The following FAT3 variants were observed in gnomAD, a reference collection of about 807,000 sequenced individuals.
FAT3 encodes FAT atypical cadherin 3.
In FAT3, 95 loss-of-function variants were observed where a neutral mutation model predicts 310.2. That is an observed-to-expected ratio of 0.31 (90% CI 0.26 to 0.36). The LOEUF is 0.36. FAT3 is among the 10% of genes least tolerant of loss of function. The pLI is 1.00. For missense variants in FAT3, 5,408 were observed against 5,715.6 expected (o/e 0.95, Z 1.74); for synonymous variants, 2,314 against 2,192.9 (o/e 1.06, Z -1.54).
intron 3 of FAT3, among the ~76,000 whole-genome samples, chr11:92,629,208 G>A (rs1335767203): frequency 6.6e-6 from 1 of 152,074 alleles, no homozygotes; most frequent in Non-Finnish European, 1.5e-5. Context: ...CAGTGCAACT[G>A]GAAATAAATC....
At chr11:92,584,494 C>G (rs2135542437) in intron 3 of FAT3, among the ~76,000 whole-genome samples, 1 of 151,902 alleles carries the variant, frequency 6.6e-6, no homozygotes, top group Non-Finnish European at 1.5e-5. Context: ...CCCTTTTCAT[C>G]TTATTGTCCA....
chr11:92,692,483 CA>C, intron 3 of FAT3, among the ~76,000 whole-genome samples: 1 of 152,136 alleles, frequency 6.6e-6, no homozygotes, highest in Non-Finnish European at 1.5e-5. Flanking sequence ...GTATTTTATT[CA>C]AAAAATTGAG....
chr11:92,446,642 A>G (rs1951217246), intron 2 of FAT3, among the ~76,000 whole-genome samples: 1 of 152,172 alleles, frequency 6.6e-6, no homozygotes, highest in South Asian at 2.1e-4. Context: ...AAAAGAAGAC[A>G]TACTACCATT....
intron 1 of FAT3, among the ~76,000 whole-genome samples, chr11:92,274,352 A>G (rs1946207274): frequency 6.6e-6 from 1 of 152,142 alleles, no homozygotes; most frequent in African/African-American, 2.4e-5. Context: ...AATTTCTAGT[A>G]ACTTGGAGAG....
intron 13 of FAT3, among the ~76,000 whole-genome samples, chr11:92,826,098 G>GGAA (rs1404146201): frequency 6.6e-6 from 1 of 152,140 alleles, no homozygotes; most frequent in Admixed American, 6.6e-5. Flanking sequence ...CAAGCAGACA[G>GGAA]GTGGCACTTG....
intron 1 of FAT3, among the ~76,000 whole-genome samples, chr11:92,295,602 T>C (rs1284090502): frequency 2.6e-5 from 4 of 152,136 alleles, no homozygotes; most frequent in African/African-American, 9.7e-5. Flanking sequence ...TCTAGAAATT[T>C]TTTTCTCCGT....
intron 1 of FAT3, among the ~76,000 whole-genome samples, chr11:92,259,168 T>C (rs1303085014): frequency 1.3e-5 from 2 of 152,106 alleles, no homozygotes; most frequent in Non-Finnish European, 2.9e-5. Context: ...CCTTTAATTC[T>C]TAGGATTCTT....
Position 92,798,935 on chromosome 11 carries a change from A to C in FAT3, c.5922A>C (p.Glu1974Asp). 1.2e-6 allele frequency: 2 copies of C among 1,614,016 alleles called. No individual in the cohort carries two copies. The highest frequency in any genetic ancestry group is 1.7e-6 in the Non-Finnish European group (2 of 1,179,874). The change falls in exon 10 of 28, where the codon GAA becomes GAC. Residue 1974 changes from glutamate (E) to aspartate (D), a missense_variant. By Grantham distance (45) the Glu-to-Asp change is conservative. Coordinates refer to ENST00000525166, the MANE Select transcript of FAT3 (RefSeq NM_001367949.2). The part of the protein sequence containing the change: ...STSMVTIMVK[E>D]AMDSGLHFTQ... ...CCATGGTCACCATCATGGTTAAAGA[A>C]GCCATGGACAGCGGCCTCCACTTTA...
At chr11:92,544,599 A>G (rs1381479848) in intron 3 of FAT3, among the ~76,000 whole-genome samples, 2 of 152,066 alleles carry the variant, frequency 1.3e-5, no homozygotes, top group Non-Finnish European at 2.9e-5. Context: ...ATCACCTGCC[A>G]CCCCCATTCC....
chr11:92,741,633 C>G (rs1945513663), intron 4 of FAT3, among the ~76,000 whole-genome samples: 1 of 152,168 alleles, frequency 6.6e-6, no homozygotes, highest in Non-Finnish European at 1.5e-5. Context: ...CTATTTAAGT[C>G]TACGGAGTTG....
intron 5 of FAT3, among the ~76,000 whole-genome samples, chr11:92,764,240 G>GA (rs1565575756): frequency 6.6e-6 from 1 of 151,966 alleles, no homozygotes; most frequent in East Asian, 1.9e-4. Flanking sequence ...CTGTGCTATC[G>GA]AGAGAGTTCT....
At chr11:92,246,915 G>A (rs1864937947) in intron 1 of FAT3, among the ~76,000 whole-genome samples, 1 of 152,100 alleles carries the variant, frequency 6.6e-6, no homozygotes, top group African/African-American at 2.4e-5. Context: ...AGATGCTCAT[G>A]AATAGGAATA....
At chr11:92,757,571 A>G (rs751828485) in intron 4 of FAT3, among the ~76,000 whole-genome samples, 4 of 152,188 alleles carry the variant, frequency 2.6e-5, no homozygotes, top group Non-Finnish European at 1.5e-5. Flanking sequence ...TGAAGTCTGA[A>G]GTCTGAGAAT....
At chr11:92,481,865 A>G (rs1788109455) in intron 2 of FAT3, among the ~76,000 whole-genome samples, 1 of 152,242 alleles carries the variant, frequency 6.6e-6, no homozygotes, top group Admixed American at 6.5e-5. Flanking sequence ...CATCTTTAAA[A>G]TGGTAATAAA....
Position 92,717,988 on chromosome 11 carries a change from T to G in FAT3, c.3669+20543T>G, listed in dbSNP as rs950554898. Among the ~76,000 whole-genome samples, 10 of 152,316 alleles carry G rather than the reference T, an allele frequency of 6.6e-5. 1 individual carries two copies. The South Asian group carries it at 2.1e-3, about 32-fold the overall frequency. On this transcript the variant is annotated intron_variant, in intron 4 of 27. Coordinates refer to ENST00000525166, the MANE Select transcript of FAT3 (RefSeq NM_001367949.2). The stretch of plus-strand genomic sequence containing the variant: ...CCACAAATTCTTGCAACTCTTTCTT[T>G]CAAGAGCTGGAGGCTATTTCCATGC...
chr11:92,616,844 T>A (rs910762938), intron 3 of FAT3, among the ~76,000 whole-genome samples: 2 of 152,222 alleles, frequency 1.3e-5, no homozygotes, highest in African/African-American at 4.8e-5. Context: ...CCGAGAGATC[T>A]GCTGTTAGTC....
intron 21 of FAT3, among the ~76,000 whole-genome samples, chr11:92,860,998 A>G (rs995361770): frequency 5.3e-5 from 8 of 152,264 alleles, no homozygotes; most frequent in South Asian, 2.1e-4. Context: ...CTTTGATTGC[A>G]CAGTTTTAGA....
At chr11:92,456,256 A>C (rs771520461) in intron 2 of FAT3, among the ~76,000 whole-genome samples, 4 of 152,222 alleles carry the variant, frequency 2.6e-5, no homozygotes, top group Non-Finnish European at 5.9e-5. Context: ...TGTCTGGTCC[A>C]TGGTAAATGT....
chr11:92,798,977 C>A lies in FAT3; in HGVS notation c.5964C>A (p.Ser1988=). Residue 1988 remains serine, a synonymous_variant, in exon 10 of 28, where the codon TCC becomes TCA. Transcript: ENST00000525166. ...SGLHFTQSFY[S]TSISENNTNI... ...TCCACTTTACACAAAGCTTCTATTC[C>A]ACCTCAATCTCAGAGAACAACACTA... The A allele has an allele frequency of 6.2e-7, 1 of 1,613,930 alleles. No individual in the cohort carries two copies. Among genetic ancestry groups the A allele is most frequent in the Non-Finnish European group, 8.5e-7 (1 of 1,179,864 alleles).
Sources: gnomAD v4.1 joint callset for allele counts (sites outside exome capture counted in the v4.1 genomes callset) on GRCh38, gnomAD v4.1.1 for gene constraint, MANE v1.5 for transcripts, NCBI Gene and HGNC (gene_info 2026-07-23, HGNC 2026-07-21) for gene names.